PGM1: variants seen among roughly 807,000 people sequenced by gnomAD.
PGM1 encodes phosphoglucomutase 1.
PGM1 carries 52 observed loss-of-function variants against 55.6 expected under a neutral mutation model. That is an observed-to-expected ratio of 0.94 (90% CI 0.75 to 1.18). The LOEUF is 1.18. Among genes scored for constraint, PGM1 ranks in the 50% most tolerant of loss-of-function variants. The pLI, the probability that PGM1 is intolerant of heterozygous loss-of-function variation, is 0.00. For missense variants in PGM1, 724 were observed against 729.3 expected, an observed-to-expected ratio of 0.99 and a Z score of 0.08; for synonymous variants, 287 against 271.7, an observed-to-expected ratio of 1.06 and a Z score of -0.55.
At chr1:63,657,259 T>C (rs1649993230) in intron 10 of PGM1, among the ~76,000 whole-genome samples, 1 of 152,232 alleles carries the variant, frequency 6.6e-6, no homozygotes. Flanking sequence ...TAAAGAGATC[T>C]TGTTTTAAAT....
chr1:63,654,309 A>C (rs369122785), intron 9 of PGM1, 23 bp from the exon 10 acceptor site: 3 of 1,613,078 alleles, frequency 1.9e-6, no homozygotes, highest in African/African-American at 2.7e-5. Context: ...TTGGGGAAAA[A>C]AATCTCTGCT....
chr1:63,624,254 A>AG (rs199891860), intron 1 of PGM1, among the ~76,000 whole-genome samples: 2 of 296 alleles, frequency 6.8e-3, no homozygotes, highest in Non-Finnish European at 0.016. Context: ...AAATGCTAGG[A>AG]GGGGTTGGAA....
At chr1:63,609,806 G>A (rs781603721) in intron 1 of PGM1, among the ~76,000 whole-genome samples, 16 of 152,232 alleles carry the variant, frequency 1.1e-4, no homozygotes, top group Non-Finnish European at 1.6e-4. Flanking sequence ...TAGGCTTTGT[G>A]TTCAATGATT....
chr1:63,593,468 C>T lies in PGM1; in HGVS notation c.-21C>T. On this transcript the variant is annotated 5_prime_UTR_variant, in exon 1 of 11. Coordinates refer to ENST00000371084, the MANE Select transcript of PGM1 (RefSeq NM_002633.3). ...CGCCAGCCAAGTCCGCCGCTCTGAC[C>T]CCCGGCAGCAAGTCGCCACCATGGT... The T allele has an allele frequency of 1.9e-6, 3 of 1,613,402 alleles. No individual in the cohort carries two copies. The highest frequency in any genetic ancestry group is 1.1e-5 in the South Asian group (1 of 91,036).
intron 7 of PGM1, 122 bp downstream of exon 7, chr1:63,638,922 A>G (rs1182509325): frequency 3.9e-6 from 3 of 776,878 alleles, no homozygotes; most frequent in Non-Finnish European, 7.0e-6. Flanking sequence ...TCAAGGCACA[A>G]ATTATTTATA....
At chr1:63,618,121 T>G (rs1648788607) in intron 1 of PGM1, among the ~76,000 whole-genome samples, 2 of 152,218 alleles carry the variant, frequency 1.3e-5, no homozygotes, top group South Asian at 4.1e-4. Flanking sequence ...AAAGTAGAGC[T>G]GCTATCATTA....
chr1:63,614,663 A>G (rs771628636), intron 1 of PGM1, among the ~76,000 whole-genome samples: 7 of 152,196 alleles, frequency 4.6e-5, no homozygotes, highest in Non-Finnish European at 8.8e-5. Flanking sequence ...GCTGAATCAA[A>G]TCTATATGTA....
At chr1:63,623,260 G>A in intron 1 of PGM1, 1 of 1,418,546 alleles carries the variant, frequency 7.0e-7, no homozygotes. Context: ...GCGAGTGGGT[G>A]TGTGGCCCTT....
chr1:63,627,053 A>ACCC (rs56944675), intron 1 of PGM1, among the ~76,000 whole-genome samples: 6 of 93,212 alleles, frequency 6.4e-5, no homozygotes, highest in East Asian at 4.4e-4. Context: ...ATATGGCAGG[A>ACCC]CCCCCCCCCC....
intron 8 of PGM1, 128 bp from the exon 9 acceptor site, chr1:63,651,541 T>G: frequency 2.5e-6 from 2 of 809,660 alleles, no homozygotes; most frequent in Non-Finnish European, 4.1e-6. Context: ...GTATTTTTTT[T>G]GCCAGCTTCT....
chr1:63,654,201 C>A, intron 9 of PGM1, 131 bp from the exon 10 acceptor site: 1 of 910,908 alleles, frequency 1.1e-6, no homozygotes, highest in Non-Finnish European at 1.8e-6. Flanking sequence ...CAGCTGCTGC[C>A]ATTTATCAAG....
intron 1 of PGM1, among the ~76,000 whole-genome samples, chr1:63,614,768 T>A (rs1322746102): frequency 1.3e-5 from 2 of 152,170 alleles, no homozygotes; most frequent in Non-Finnish European, 2.9e-5. Context: ...ATCCCCCATT[T>A]TCCTTATCCC....
At chr1:63,600,029 T>C (rs1461427862) in intron 1 of PGM1, 1 of 152,282 alleles carries the variant, frequency 6.6e-6, no homozygotes, top group East Asian at 1.9e-4. Context: ...CATTTTGGAT[T>C]GGGAAAGAAG....
At position 63,636,401 on chromosome 1, in the gene PGM1, A is replaced by G. The variant is rs778500686; in HGVS notation, c.1028+13A>G. The G allele has an allele frequency of 3.7e-6, 6 of 1,613,584 alleles. No homozygotes were observed. In the Admixed American group the frequency reaches 5.0e-5, roughly 13 times the overall value. ...GTGCTCTGGACCGGTAGGTGTCTCC[A>G]TTCCCTTGGCCTTCCTGTCTTAGGT... On this transcript the variant is annotated intron_variant, in intron 6 of 10. Coordinates refer to ENST00000371084, the MANE Select transcript of PGM1 (RefSeq NM_002633.3).
At chr1:63,606,279 G>A (rs1477822349) in intron 1 of PGM1, among the ~76,000 whole-genome samples, 2 of 152,182 alleles carry the variant, frequency 1.3e-5, no homozygotes, top group Admixed American at 6.5e-5. Context: ...ATTCTGTTTT[G>A]GTACAGAATA....
intron 9 of PGM1, 28 bp from the exon 10 acceptor site, chr1:63,654,304 G>A: frequency 6.2e-7 from 1 of 1,612,710 alleles, no homozygotes; most frequent in Non-Finnish European, 8.5e-7. Flanking sequence ...AGCATTTGGG[G>A]AAAAAAATCT....
intron 4 of PGM1, among the ~76,000 whole-genome samples, chr1:63,632,365 T>C (rs778796043): frequency 1.8e-4 from 28 of 152,174 alleles, no homozygotes; most frequent in Non-Finnish European, 3.7e-4. Flanking sequence ...TGAGAATCCC[T>C]GAAACCTATA....
chr1:63,651,934 C>G lies in PGM1; in HGVS notation c.1464+82C>G, dbSNP rs1049622451. 3.8e-6 allele frequency: 5 copies of G among 1,325,828 alleles called. No individual in the cohort carries two copies. The African/African-American group carries it at 5.8e-5, about 15-fold the overall frequency. 82.1% of individuals were successfully genotyped at this position (1,325,828 alleles called of 1,614,324 possible). On this transcript the variant is annotated intron_variant, in intron 9 of 10. Transcript: ENST00000371084. ...TCTCAAGGGAAAAATTAAAAAGTTC[C>G]TGTTGGCTATTTTTCTTTTGCTGCT...
At chr1:63,612,490 C>T (rs1557705773) in intron 1 of PGM1, among the ~76,000 whole-genome samples, 1 of 152,120 alleles carries the variant, frequency 6.6e-6, no homozygotes, top group Non-Finnish European at 1.5e-5. Context: ...TGTGTTGTAT[C>T]CTACTGCTCT....
Sources: gnomAD v4.1 joint callset for allele counts (sites outside exome capture counted in the v4.1 genomes callset) on GRCh38, gnomAD v4.1.1 for gene constraint, MANE v1.5 for transcripts, NCBI Gene and HGNC (gene_info 2026-07-23, HGNC 2026-07-21) for gene names.